Variants in ATF7IP observed in about 807,000 individuals in gnomAD.
The protein encoded by ATF7IP is activating transcription factor 7-interacting protein 1.
Under a neutral mutation model 106.4 loss-of-function variants are expected in ATF7IP, and 23 were observed. That is an observed-to-expected ratio of 0.22 (90% CI 0.16 to 0.31). ATF7IP has a LOEUF of 0.31. Among genes scored for constraint, ATF7IP ranks in the 10% least tolerant of loss-of-function variants. The probability of loss-of-function intolerance (pLI) is 1.00; values close to 1 mark genes in which losing one functional copy is unlikely to be tolerated. For missense variants in ATF7IP, 1,334 were observed against 1,524.3 expected (o/e 0.88, Z 2.08); for synonymous variants, 542 against 539.0 (o/e 1.01, Z -0.08).
chr12:14,478,182 T>C, intron 11 of ATF7IP, 135 bp from the exon 12 acceptor site: 1 of 796,720 alleles, frequency 1.3e-6, no homozygotes, highest in South Asian at 1.8e-5. Flanking sequence ...GTAAGTAAAA[T>C]GGAAATAAAT....
In ATF7IP at chr12:14,424,523, A is replaced by G. The variant is rs1423451031; in HGVS notation, c.608A>G (p.Asp203Gly). 12 of 1,613,948 alleles carry G rather than the reference A, an allele frequency of 7.4e-6. No individual in the cohort carries two copies. The highest frequency in any genetic ancestry group is 5.3e-5 in the African/African-American group (4 of 74,874). Residue 203 changes from aspartate (D) to glycine (G), a missense_variant, in exon 2 of 15, where the codon GAT (aspartate) becomes GGT (glycine). Coordinates refer to ENST00000261168, the MANE Select transcript of ATF7IP (RefSeq NM_018179.5). ...DATADDLSSG[D>G]PTSSDPIPGE... ...ACTGCTGATGATCTCTCCTCTGGTG[A>G]TCCCACCTCTAGTGATCCCATCCCA...
chr12:14,423,951 T>C lies in ATF7IP; in HGVS notation c.36T>C (p.Phe12=), dbSNP rs748857047. ...TAGAAGAACCTCAGAAAAAAGTCTTTAAGGCTCGAAAAACGATGAGAGTGA... is the reference window on the plus strand; with the variant it reads ...TAGAAGAACCTCAGAAAAAAGTCTTCAAGGCTCGAAAAACGATGAGAGTGA... ...DSLEEPQKKV[F]KARKTMRVSD... is the part of the protein sequence containing the mutation. The change falls in exon 2 of 15, where the codon TTT becomes TTC. Residue 12 remains phenylalanine (F), a synonymous_variant. Coordinates refer to ENST00000261168, the MANE Select transcript of ATF7IP (RefSeq NM_018179.5). 21 of 1,610,998 alleles carry C rather than the reference T, an allele frequency of 1.3e-5. No homozygotes were observed. The highest frequency in any genetic ancestry group is 1.7e-5 in the Non-Finnish European group (20 of 1,179,000).
At chr12:14,490,279 C>T (rs1944768852) in intron 13 of ATF7IP, among the ~76,000 whole-genome samples, 1 of 152,204 alleles carries the variant, frequency 6.6e-6, no homozygotes, top group African/African-American at 2.4e-5. Context: ...GCTGAGGTTA[C>T]CCATTGGTGA....
chr12:14,476,914 T>C (rs1216752664), intron 11 of ATF7IP, among the ~76,000 whole-genome samples: 1 of 152,214 alleles, frequency 6.6e-6, no homozygotes, highest in East Asian at 1.9e-4. Context: ...TAAAGTTCCA[T>C]GGTTAAGTAT....
At chr12:14,377,218 C>T (rs1379496869) in intron 1 of ATF7IP, among the ~76,000 whole-genome samples, 1 of 151,964 alleles carries the variant, frequency 6.6e-6, no homozygotes, top group Non-Finnish European at 1.5e-5. Context: ...TAGTCTCGAA[C>T]TCCTGAGCTC....
At chr12:14,412,268 C>G (rs1177125175) in intron 1 of ATF7IP, among the ~76,000 whole-genome samples, 1 of 151,926 alleles carries the variant, frequency 6.6e-6, no homozygotes, top group Non-Finnish European at 1.5e-5. Context: ...GTTCTGGGAC[C>G]CTTGCATTTT....
intron 10 of ATF7IP, among the ~76,000 whole-genome samples, chr12:14,471,692 G>A (rs1031525345): frequency 2.6e-5 from 4 of 152,094 alleles, no homozygotes; most frequent in African/African-American, 9.7e-5. Context: ...AGAGCAAAGC[G>A]GGAAGCCCCT....
At chr12:14,418,037 G>T (rs576665128) in intron 1 of ATF7IP, among the ~76,000 whole-genome samples, 11 of 152,178 alleles carry the variant, frequency 7.2e-5, no homozygotes, top group East Asian at 3.9e-4. Flanking sequence ...AGAAGTGGGT[G>T]GAGGGGGATG....
In ATF7IP at chr12:14,460,992, A is replaced by G. The variant is rs1346971954; in HGVS notation, c.2656A>G (p.Arg886Gly). The G allele has an allele frequency of 1.2e-6, 2 of 1,614,062 alleles. No individual in the cohort carries two copies. Among genetic ancestry groups the G allele is most frequent in the Admixed American group, 1.7e-5 (1 of 60,000 alleles). ...PTAHSIVQATRTSLPTVGPSG... is the reference protein window; with the variant it reads ...PTAHSIVQATGTSLPTVGPSG... ...AGCACACTCTATTGTACAAGCCACA[A>G]GGACTTCTTTACCCACAGTGGGCCC... The change falls in exon 9 of 15, where the codon AGG (arginine) becomes GGG (glycine). Residue 886 changes from arginine to glycine, a missense_variant. Physicochemically the swap from Arg to Gly is moderately radical, Grantham distance 125 (BLOSUM62 -2). Transcript: ENST00000261168.
At chr12:14,413,840 T>A (rs147445379) in intron 1 of ATF7IP, among the ~76,000 whole-genome samples, 16 of 152,272 alleles carry the variant, frequency 1.1e-4, no homozygotes, top group African/African-American at 3.8e-4. Flanking sequence ...AAACATCAAA[T>A]TCAAGATTAT....
chr12:14,474,667 G>A (rs1944193005), intron 10 of ATF7IP, among the ~76,000 whole-genome samples: 1 of 152,092 alleles, frequency 6.6e-6, no homozygotes, highest in African/African-American at 2.4e-5. Context: ...CCAAAGTACT[G>A]GGATTACAGG....
At chr12:14,370,899 A>G (rs1247511460) in intron 1 of ATF7IP, among the ~76,000 whole-genome samples, 3 of 151,792 alleles carry the variant, frequency 2.0e-5, no homozygotes, top group African/African-American at 7.2e-5. Flanking sequence ...TTAAACACAG[A>G]CAATTTTTTT....
At chr12:14,436,819 C>A (rs1942423235) in intron 4 of ATF7IP, among the ~76,000 whole-genome samples, 2 of 149,170 alleles carry the variant, frequency 1.3e-5, no homozygotes, top group Admixed American at 6.7e-5. Context: ...ATTATCAAAA[C>A]AAGGGAGAGA....
intron 12 of ATF7IP, among the ~76,000 whole-genome samples, chr12:14,479,714 T>C (rs561785001): frequency 1.0e-3 from 159 of 152,300 alleles, no homozygotes; most frequent in African/African-American, 3.7e-3. Flanking sequence ...ATGCAGACTT[T>C]CCTATCAGTT....
intron 1 of ATF7IP, among the ~76,000 whole-genome samples, chr12:14,393,121 T>G (rs1356553001): frequency 6.6e-6 from 1 of 152,214 alleles, no homozygotes; most frequent in East Asian, 1.9e-4. Context: ...ATCCATGTTA[T>G]TTACACTATA....
intron 13 of ATF7IP, among the ~76,000 whole-genome samples, chr12:14,486,574 GT>G (rs1210670263): frequency 3.3e-5 from 5 of 152,148 alleles, no homozygotes; most frequent in Non-Finnish European, 7.4e-5. Flanking sequence ...TGACCTAGAA[GT>G]TTTTTGGTTA....
chr12:14,421,176 G>A (rs1203322183), intron 1 of ATF7IP, among the ~76,000 whole-genome samples: 1 of 152,152 alleles, frequency 6.6e-6, no homozygotes, highest in Non-Finnish European at 1.5e-5. Flanking sequence ...ACCTTTATCA[G>A]ATTTGAGTAA....
intron 1 of ATF7IP, among the ~76,000 whole-genome samples, chr12:14,418,859 T>C (rs1445926492): frequency 6.6e-6 from 1 of 152,160 alleles, no homozygotes; most frequent in East Asian, 1.9e-4. Context: ...GACAATTTTA[T>C]TGATAAAATC....
chr12:14,487,576 G>A (rs144449835), intron 13 of ATF7IP, among the ~76,000 whole-genome samples: 1 of 152,292 alleles, frequency 6.6e-6, no homozygotes, highest in East Asian at 1.9e-4. Context: ...CTGGGTGTAG[G>A]GAAGCTGTTC....
Sources: gnomAD v4.1 joint callset for allele counts (sites outside exome capture counted in the v4.1 genomes callset) on GRCh38, gnomAD v4.1.1 for gene constraint, MANE v1.5 for transcripts, NCBI Gene and HGNC (gene_info 2026-07-23, HGNC 2026-07-21) for gene names.